The following OTOA variants were observed in gnomAD, a reference collection of about 807,000 sequenced individuals.
The protein encoded by OTOA is cancer/testis antigen 108.
Under a neutral mutation model 110.8 loss-of-function variants are expected in OTOA, and 70 were observed. The ratio of observed to expected loss-of-function variants is 0.63; its 90% CI spans 0.52 to 0.77. The LOEUF is 0.77. Ranked by LOEUF, OTOA falls within the 30% of genes least tolerant of loss-of-function variation. OTOA has a pLI of 0.00. For missense variants in OTOA, 917 were observed against 1,075.8 expected, an observed-to-expected ratio of 0.85 and a Z score of 2.06; for synonymous variants, 373 against 431.5, an observed-to-expected ratio of 0.86 and a Z score of 1.68.
At chr16:21,691,797 C>T in intron 9 of OTOA, 110 bp downstream of exon 9, 1 of 1,005,288 alleles carries the variant, frequency 9.9e-7, no homozygotes, top group Non-Finnish European at 1.5e-6. Flanking sequence ...TGATTTTTAC[C>T]ACCTCCCACT....
At chr16:21,677,359 G>A (rs1966860272) in intron 1 of OTOA, among the ~76,000 whole-genome samples, 1 of 151,882 alleles carries the variant, frequency 6.6e-6, no homozygotes, top group Non-Finnish European at 1.5e-5. Context: ...GCCCATTCTA[G>A]TGACTTTGTA....
chr16:21,665,496 C>T (rs978084592), intron 1 of OTOA, among the ~76,000 whole-genome samples: 1 of 152,130 alleles, frequency 6.6e-6, no homozygotes, highest in African/African-American at 2.4e-5. Flanking sequence ...ATCATAACCC[C>T]CTCCCTGCCA....
intron 13 of OTOA, among the ~76,000 whole-genome samples, chr16:21,714,385 TTC>T (rs1226989693): frequency 5.9e-5 from 7 of 119,294 alleles, no homozygotes; most frequent in Non-Finnish European, 1.4e-4. Flanking sequence ...CTTTCTCTCT[TTC>T]TCTCTTTCTT....
rs761415597 is a variant in OTOA, at chr16:21,750,412, CAAAAA to C, written c.2776-1508_2776-1504del. ...TGGGTGACAGAGTGAGACCTTGTCT[CAAAAA>C]AAAAAAAAAAAAAAGGAATTTATTG... On this transcript the variant is annotated intron_variant, in intron 24 of 28. Transcript: ENST00000646100. Among the ~76,000 whole-genome samples the C allele has an allele frequency of 2.7e-4, 10 of 36,388 alleles. 1 individual carries two copies. The highest frequency in any genetic ancestry group is 4.5e-4 in the Admixed American group (2 of 4,464). 23.9% of individuals were successfully genotyped at this position (36,388 alleles called of 152,430 possible). A position where few individuals can be genotyped will look rare whatever the true frequency, so the allele number is the denominator to read the frequency against.
intron 12 of OTOA, among the ~76,000 whole-genome samples, chr16:21,707,020 T>TG (rs2141683122): frequency 6.6e-6 from 1 of 151,758 alleles, no homozygotes; most frequent in East Asian, 1.9e-4. Context: ...CATGCCACCA[T>TG]GCCCGGCTAA....
chr16:21,694,443 TA>T (rs985819205), intron 9 of OTOA, among the ~76,000 whole-genome samples: 1 of 151,712 alleles, frequency 6.6e-6, no homozygotes, highest in African/African-American at 2.4e-5. Flanking sequence ...ACCTTGTCTC[TA>T]AAAAAAAGTC....
intron 21 of OTOA, among the ~76,000 whole-genome samples, chr16:21,735,431 GC>G (rs1055010308): frequency 3.3e-5 from 5 of 151,930 alleles, no homozygotes; most frequent in Admixed American, 1.3e-4. Flanking sequence ...TGAGAAATCT[GC>G]CCCCATGATC....
intron 7 of OTOA, among the ~76,000 whole-genome samples, chr16:21,686,302 T>C (rs75799676): frequency 6.6e-6 from 1 of 151,120 alleles, no homozygotes; most frequent in Non-Finnish European, 1.5e-5. Flanking sequence ...TTTTTTTTTT[T>C]CTTAGAGACA....
At chr16:21,695,929 C>G (rs1897931366) in intron 9 of OTOA, among the ~76,000 whole-genome samples, 1 of 117,752 alleles carries the variant, frequency 8.5e-6, no homozygotes, top group African/African-American at 3.5e-5. Flanking sequence ...GAGTCTGGCT[C>G]TGTCACTCAG....
rs1567372708 is a variant in OTOA at position 21,695,893 on chromosome 16, T to TA, written c.740-1882_740-1881insA. On this transcript the variant is annotated intron_variant, in intron 9 of 28. Coordinates refer to ENST00000646100, the MANE Select transcript of OTOA (RefSeq NM_144672.4). Reference sequence around the variant, plus strand: ...TATATATATATATATATATATATATTTTTTTTTTTTTTTTTTTCTGAGATG... The same window carrying TA: ...TATATATATATATATATATATATATTATTTTTTTTTTTTTTTTTCTGAGATG... Among the ~76,000 whole-genome samples, 43 of 62,882 alleles carry TA rather than the reference T, an allele frequency of 6.8e-4. No homozygotes were observed. The East Asian group carries it at 0.01, about 15-fold the overall frequency. 41.3% of individuals were successfully genotyped at this position (62,882 alleles called of 152,430 possible). A position where few individuals can be genotyped will look rare whatever the true frequency, so the allele number is the denominator to read the frequency against.
At chr16:21,733,810 T>C (rs1360855252) in intron 21 of OTOA, among the ~76,000 whole-genome samples, 1 of 152,042 alleles carries the variant, frequency 6.6e-6, no homozygotes, top group Non-Finnish European at 1.5e-5. Flanking sequence ...TTTTTCTTTC[T>C]CTTTTTTGAG....
chr16:21,696,467 T>A (rs1472356892), intron 9 of OTOA, among the ~76,000 whole-genome samples: 2 of 152,164 alleles, frequency 1.3e-5, no homozygotes, highest in East Asian at 3.8e-4. Flanking sequence ...ACAAGTAGTT[T>A]GCTTTGGTTC....
intron 7 of OTOA, among the ~76,000 whole-genome samples, 187 bp from the exon 8 acceptor site, chr16:21,687,226 G>A (rs932790027): frequency 6.6e-6 from 1 of 152,200 alleles, no homozygotes; most frequent in Non-Finnish European, 1.5e-5. Flanking sequence ...GCTCCACAGT[G>A]AGTGGAGCAG....
chr16:21,717,686 A>T (rs1018973164), intron 15 of OTOA, among the ~76,000 whole-genome samples: 1 of 152,114 alleles, frequency 6.6e-6, no homozygotes, highest in African/African-American at 2.4e-5. Flanking sequence ...GTTGAAGTGG[A>T]TGCTCTGCCT....
In OTOA at chr16:21,754,078, A is replaced by ATTT. The variant is rs764794590; in HGVS notation, c.3153+959_3153+961dup. ...CATCTCTCTCTCTCTATATATATATATTTTTTTCTATATATATATATTTTT... is the reference window on the plus strand; with the variant it reads ...CATCTCTCTCTCTCTATATATATATATTTTTTTTTTCTATATATATATATTTTT... On this transcript the variant is annotated intron_variant, in intron 27 of 28. Transcript: ENST00000646100. Among the ~76,000 whole-genome samples the ATTT allele has an allele frequency of 1.3e-3, 184 of 137,440 alleles. 16 individuals are homozygous for ATTT. The East Asian group carries it at 0.023, about 17-fold the overall frequency. 90.2% of individuals were successfully genotyped at this position (137,440 alleles called of 152,430 possible). A position where few individuals can be genotyped will look rare whatever the true frequency, so the allele number is the denominator to read the frequency against.
intron 12 of OTOA, 111 bp from the exon 13 acceptor site, chr16:21,709,777 T>C (rs2141688179): frequency 1.0e-6 from 1 of 966,274 alleles, no homozygotes; most frequent in Non-Finnish European, 1.6e-6. Context: ...AAAGCTTTGA[T>C]GGAACAGGGT....
chr16:21,710,250 A>C, intron 13 of OTOA, 147 bp downstream of exon 13: 1 of 932,340 alleles, frequency 1.1e-6, no homozygotes, highest in Non-Finnish European at 1.6e-6. Context: ...TGGGAAGTCC[A>C]ACATCGAGGT....
chr16:21,726,454 G>A (rs215899), intron 18 of OTOA, 69 bp from the exon 19 acceptor site: 41,253 of 1,597,556 alleles, frequency 0.026, 690 homozygotes, highest in Non-Finnish European at 0.03. Flanking sequence ...TGGGCAGGCG[G>A]ACCCTGATTT....
At chr16:21,690,806 AAAGGG>A (rs1320911706) in intron 8 of OTOA, among the ~76,000 whole-genome samples, 1 of 151,834 alleles carries the variant, frequency 6.6e-6, no homozygotes. Context: ...TACATTCAAG[AAAGGG>A]AAGGTTTTTT....
Sources: gnomAD v4.1 joint callset for allele counts (sites outside exome capture counted in the v4.1 genomes callset) on GRCh38, gnomAD v4.1.1 for gene constraint, MANE v1.5 for transcripts, NCBI Gene and HGNC (gene_info 2026-07-23, HGNC 2026-07-21) for gene names.